MECOM: variants seen among roughly 807,000 people sequenced by gnomAD.
The protein encoded by MECOM is histone-lysine N-methyltransferase MECOM.
Under a neutral mutation model 116.3 loss-of-function variants are expected in MECOM, and 13 were observed. The observed-to-expected ratio is 0.11, with a 90% confidence interval of 0.07 to 0.18. The LOEUF (loss-of-function observed/expected upper bound fraction) is 0.18, where lower values mean the gene tolerates loss of function less well. MECOM is among the 10% of genes least tolerant of loss of function. The pLI is 1.00. For synonymous variants in MECOM, 528 were observed against 535.2 expected, an observed-to-expected ratio of 0.99 and a Z score of 0.19; for missense variants, 1,299 against 1,509.0, an observed-to-expected ratio of 0.86 and a Z score of 2.31.
At chr3:169,453,435 C>G (rs28637009) in intron 1 of MECOM, among the ~76,000 whole-genome samples, 1 of 152,192 alleles carries the variant, frequency 6.6e-6, no homozygotes, top group African/African-American at 2.4e-5. Context: ...GCCACAATGA[C>G]AGTCAAGACA....
intron 2 of MECOM, among the ~76,000 whole-genome samples, chr3:169,286,679 G>A (rs989677406): frequency 4.6e-5 from 7 of 152,102 alleles, no homozygotes; most frequent in Admixed American, 2.0e-4. Context: ...TATGATCAAC[G>A]TATTAGGTTG....
chr3:169,236,571 A>G (rs543242098), intron 2 of MECOM, among the ~76,000 whole-genome samples: 5 of 152,302 alleles, frequency 3.3e-5, no homozygotes, highest in African/African-American at 1.2e-4. Context: ...TATTGTGTAT[A>G]TTTCATGCAT....
At chr3:169,546,502 G>T (rs1320583339) in intron 1 of MECOM, among the ~76,000 whole-genome samples, 1 of 152,210 alleles carries the variant, frequency 6.6e-6, no homozygotes, top group Non-Finnish European at 1.5e-5. Context: ...AAGTGGTGAA[G>T]TGACTGGTCC....
At chr3:169,122,837 G>A (rs973995408) in intron 5 of MECOM, 110 bp from the exon 6 acceptor site, 2 of 1,240,740 alleles carry the variant, frequency 1.6e-6, no homozygotes, top group African/African-American at 1.5e-5. Context: ...AAAAGGAGTT[G>A]AACTGAGAAG....
At chr3:169,222,298 A>G (rs1212493188) in intron 2 of MECOM, among the ~76,000 whole-genome samples, 1 of 152,242 alleles carries the variant, frequency 6.6e-6, no homozygotes, top group Non-Finnish European at 1.5e-5. Context: ...GAGATTCAGA[A>G]TTAGTTTAAA....
chr3:169,123,710 A>G (rs1731850861), intron 5 of MECOM, among the ~76,000 whole-genome samples: 1 of 152,100 alleles, frequency 6.6e-6, no homozygotes. Flanking sequence ...AATTCACAAG[A>G]TGGCCCTTGA....
intron 1 of MECOM, among the ~76,000 whole-genome samples, chr3:169,558,787 C>T (rs1188652402): frequency 6.6e-6 from 1 of 152,084 alleles, no homozygotes; most frequent in Non-Finnish European, 1.5e-5. Context: ...CTTTATCCTC[C>T]TACTCTCATC....
chr3:169,117,089 T>C (rs1447513056), intron 7 of MECOM, among the ~76,000 whole-genome samples: 2 of 152,304 alleles, frequency 1.3e-5, no homozygotes, highest in Middle Eastern at 3.4e-3. Flanking sequence ...ACTAATATAA[T>C]GTTGAAAATT....
chr3:169,507,326 A>C (rs549880886), intron 1 of MECOM, among the ~76,000 whole-genome samples: 1 of 152,330 alleles, frequency 6.6e-6, no homozygotes, highest in East Asian at 1.9e-4. Context: ...AAATTAACCA[A>C]TTGTTAGCTT....
Position 169,177,968 on chromosome 3 carries a change from A to G in MECOM, c.376-34136T>C, listed in dbSNP as rs976610263. Among the ~76,000 whole-genome samples, 18 of 152,018 alleles carry G rather than the reference A, an allele frequency of 1.2e-4. 1 individual carries two copies. Among genetic ancestry groups the G allele is most frequent in the Admixed American group, 6.6e-4 (10 of 15,250 alleles). On this transcript the variant is annotated intron_variant, in intron 2 of 16. Coordinates refer to ENST00000651503, the MANE Select transcript of MECOM (RefSeq NM_004991.4). ...AAAAAAGAGAAAAAGAATGTGGTAG[A>G]TATACGCAAGATAAAAAGAAGAAAG... is the stretch of plus-strand genomic sequence containing the variant.
At chr3:169,299,848 C>CA (rs1287482341) in intron 2 of MECOM, among the ~76,000 whole-genome samples, 1 of 151,996 alleles carries the variant, frequency 6.6e-6, no homozygotes, top group East Asian at 2.0e-4. Context: ...TAAAAATAAA[C>CA]AAATTGCATA....
At chr3:169,486,985 G>T (rs896062700) in intron 1 of MECOM, among the ~76,000 whole-genome samples, 1 of 151,692 alleles carries the variant, frequency 6.6e-6, no homozygotes, top group Non-Finnish European at 1.5e-5. Flanking sequence ...AAATCATCAA[G>T]TTCTATTTAG....
chr3:169,642,814 A>G (rs963583065), intron 1 of MECOM, among the ~76,000 whole-genome samples: 1 of 151,704 alleles, frequency 6.6e-6, no homozygotes, highest in Non-Finnish European at 1.5e-5. Flanking sequence ...AAAAAAAATC[A>G]GTAAGTCTCC....
At position 169,246,329 on chromosome 3, in the gene MECOM, C is replaced by A. The variant is rs543619193; in HGVS notation, c.376-102497G>T. ...TAGCAGGAAGACTATATTTGCACAT[C>A]CTTCCCAAGCCCTTATCTAGCAGAT... On this transcript the variant is annotated intron_variant, in intron 2 of 16. Transcript: ENST00000651503. Among the ~76,000 whole-genome samples, 25 of 152,272 alleles carry A rather than the reference C, an allele frequency of 1.6e-4. No individual in the cohort carries two copies. In the South Asian group the frequency reaches 4.8e-3, roughly 29 times the overall value.
intron 2 of MECOM, among the ~76,000 whole-genome samples, chr3:169,347,609 GA>G (rs1725585043): frequency 6.6e-6 from 1 of 151,994 alleles, no homozygotes; most frequent in African/African-American, 2.4e-5. Flanking sequence ...AGAATTAACT[GA>G]AAGATATCTA....
chr3:169,217,064 T>A (rs1156640268), intron 2 of MECOM, among the ~76,000 whole-genome samples: 1 of 152,180 alleles, frequency 6.6e-6, no homozygotes, highest in African/African-American at 2.4e-5. Context: ...TTGACTTCCT[T>A]GCACAAGTAG....
chr3:169,605,938 A>G (rs546125953), intron 1 of MECOM, among the ~76,000 whole-genome samples: 1 of 152,170 alleles, frequency 6.6e-6, no homozygotes, highest in Admixed American at 6.5e-5. Flanking sequence ...TCATAGACAG[A>G]ATGAGAGAGA....
intron 2 of MECOM, among the ~76,000 whole-genome samples, chr3:169,231,729 G>A (rs1753423558): frequency 6.6e-6 from 1 of 150,640 alleles, no homozygotes; most frequent in African/African-American, 2.4e-5. Context: ...TGAGTGAGGG[G>A]AATATCAGGA....
chr3:169,603,806 T>C (rs1318258599), intron 1 of MECOM, among the ~76,000 whole-genome samples: 1 of 152,192 alleles, frequency 6.6e-6, no homozygotes, highest in Admixed American at 6.5e-5. Flanking sequence ...AACAATGGCA[T>C]TGTCTAATGC....
Sources: allele counts gnomAD v4.1 joint callset (sites outside exome capture counted in the v4.1 genomes callset), GRCh38; gene constraint gnomAD v4.1.1; transcripts MANE v1.5; gene names NCBI Gene and HGNC (gene_info 2026-07-23, HGNC 2026-07-21).